The following CCDC88A variants were observed in gnomAD, a reference collection of about 807,000 sequenced individuals.
CCDC88A encodes the protein coiled-coil and HOOK domain protein 88A.
A neutral mutation model predicts 234.3 loss-of-function variants in CCDC88A; 54 were observed. The ratio of observed to expected loss-of-function variants is 0.23; its 90% CI spans 0.19 to 0.29. The LOEUF (loss-of-function observed/expected upper bound fraction) is 0.29. CCDC88A is among the 10% of genes least tolerant of loss of function. The pLI is 1.00. For synonymous variants in CCDC88A, 753 were observed against 737.8 expected (o/e 1.02, Z -0.33); for missense variants, 1,832 against 2,123.4 (o/e 0.86, Z 2.70).
At position 55,334,844 on chromosome 2, in the gene CCDC88A, C is replaced by T. The variant is rs374338743; in HGVS notation, c.1977G>A (p.Glu659=). Residue 659 remains glutamate, a synonymous_variant, in exon 15 of 33, where the codon GAG becomes GAA. Transcript: ENST00000436346. This position sits in a 1 kb window ranked among gnomAD's most constrained non-coding sequence, Gnocchi z 6.1. ...TNLKITCEKI[E]ALEQENSELE... ...GCTCTGAATTTTCTTGTTCTAAGGC[C>T]TCAATTTTTTCACAAGTAATTTTTA... The T allele has an allele frequency of 5.8e-6, 9 of 1,544,846 alleles. No homozygotes were observed. Among genetic ancestry groups the T allele is most frequent in the Non-Finnish European group, 7.9e-6 (9 of 1,137,248 alleles).
intron 8 of CCDC88A, chr2:55,350,609 ATATTATAAAATATAATGTG>A (rs1669755034): frequency 6.7e-6 from 1 of 148,494 alleles, no homozygotes; most frequent in South Asian, 2.1e-4. Context: ...ATATTAATAT[ATATTATAAAATATAATGTG>A]TATATTATTT....
In CCDC88A at chr2:55,337,996, GA is replaced by G. The variant is rs557630744; in HGVS notation, c.1519-1179del. ...ATCAGGTTCTCACATTACATAGATG[GA>G]AATATAAGAATAACAATTATTGAAA... is the stretch of plus-strand genomic sequence containing the variant. On this transcript the variant is annotated intron_variant, in intron 13 of 32. Coordinates refer to ENST00000436346, the MANE Select transcript of CCDC88A (RefSeq NM_001365480.1). 9.2e-5 allele frequency among the ~76,000 whole-genome samples: 14 copies of G among 152,188 alleles called. No individual in the cohort carries two copies. In the East Asian group the frequency reaches 1.5e-3, roughly 17 times the overall value.
In CCDC88A at chr2:55,343,793, CT is replaced by C; in HGVS notation, c.1189-2del. The C allele has an allele frequency of 6.2e-7, 1 of 1,600,038 alleles. No individual in the cohort carries two copies. On this transcript the variant is annotated splice_acceptor_variant, in intron 11 of 32. Coordinates refer to ENST00000436346, the MANE Select transcript of CCDC88A (RefSeq NM_001365480.1). LOFTEE classifies it high-confidence loss of function. ...TCTTTTTTCTATCCATATCTCGTTCCTTTTTTATTGGCAAGGATTAGGGAGA... is the reference window on the plus strand; with the variant it reads ...TCTTTTTTCTATCCATATCTCGTTCCTTTTTATTGGCAAGGATTAGGGAGA...
At chr2:55,367,628 C>T (rs531647863) in intron 5 of CCDC88A, among the ~76,000 whole-genome samples, 1 of 149,238 alleles carries the variant, frequency 6.7e-6, no homozygotes, top group Admixed American at 6.8e-5. Flanking sequence ...AACTCCTGGC[C>T]TCAAGTGATC....
At chr2:55,308,659 C>T in intron 25 of CCDC88A, 150 bp downstream of exon 25, 1 of 622,898 alleles carries the variant, frequency 1.6e-6, no homozygotes, top group East Asian at 2.8e-5. Context: ...TGTGGCTGTA[C>T]ACTAATGCAG....
chr2:55,318,296 G>A lies in CCDC88A; in HGVS notation c.3325-455C>T, dbSNP rs146780606. Among the ~76,000 whole-genome samples the A allele has an allele frequency of 7.0e-3, 1,068 of 152,234 alleles. 12 individuals carry two copies. Among genetic ancestry groups the A allele is most frequent in the African/African-American group, 0.024 (998 of 41,540 alleles). On this transcript the variant is annotated intron_variant, in intron 19 of 32. Coordinates refer to ENST00000436346, the MANE Select transcript of CCDC88A (RefSeq NM_001365480.1). ...AAAGTGTTGATGTTAATCAAAATCA[G>A]TGTCAAAGAAAAGGGTTACAGAAAG...
intron 32 of CCDC88A, 116 bp downstream of exon 32, chr2:55,291,560 G>C: frequency 2.2e-6 from 1 of 453,778 alleles, no homozygotes; most frequent in South Asian, 5.3e-5. Context: ...GAAAGTCAAT[G>C]AATTAAGCAA....
At chr2:55,344,580 T>A (rs1668868005) in intron 10 of CCDC88A, 66 bp from the exon 11 acceptor site, 3 of 939,128 alleles carry the variant, frequency 3.2e-6, no homozygotes, top group Non-Finnish European at 4.5e-6. Context: ...ACATACAGAT[T>A]ATCATAAAAC....
chr2:55,317,257 T>C lies in CCDC88A; in HGVS notation c.3695A>G (p.Asn1232Ser). Residue 1232 changes from asparagine to serine, a missense_variant, in exon 21 of 33, where the codon AAT becomes AGT. Physicochemically the swap from Asn to Ser is conservative, Grantham distance 46 (BLOSUM62 1). Around this residue, in one of 6 missense-constraint regions of CCDC88A, gnomAD observed 1,282 missense variants for 1,543.6 expected, o/e 0.83. Coordinates refer to ENST00000436346, the MANE Select transcript of CCDC88A (RefSeq NM_001365480.1). The surrounding 1 kb of genome is among the most constrained non-coding windows in gnomAD (Gnocchi z 4.2). The stretch of plus-strand genomic sequence containing the variant: ...GTATTCTGCAGCTACTGTTTCATGA[T>C]TTTTATTTTCAAGCAGCATTTTTTC... ...EQEKMLLENK[N>S]HETVAAEYKK... 2 of 1,555,434 alleles carry C rather than the reference T, an allele frequency of 1.3e-6. No homozygotes were observed. The highest frequency in any genetic ancestry group is 1.3e-5 in the South Asian group (1 of 77,806).
At chr2:55,410,502 G>A (rs4672037) in intron 2 of CCDC88A, among the ~76,000 whole-genome samples, 131,559 of 152,278 alleles carry the variant, frequency 0.86, 57,215 homozygotes, top group Admixed American at 0.93. Context: ...GTGGTAAATG[G>A]ATGCTTATCC....
rs192383018 is a variant in CCDC88A, at chr2:55,353,073, C to T, written c.800+2506G>A. The stretch of plus-strand genomic sequence containing the variant: ...AGCTAGTTACCGGGAATACTAGTTA[C>T]AATACTGGCACATTTATTTACCCAT... On this transcript the variant is annotated intron_variant, in intron 8 of 32. Transcript: ENST00000436346. Among the ~76,000 whole-genome samples, 85 of 152,282 alleles carry T rather than the reference C, an allele frequency of 5.6e-4. 1 individual carries two copies. Among genetic ancestry groups the T allele is most frequent in the Non-Finnish European group, 6.9e-4 (47 of 68,014 alleles).
intron 12 of CCDC88A, among the ~76,000 whole-genome samples, chr2:55,341,448 CCT>C (rs1491547121): frequency 1.5e-5 from 2 of 130,090 alleles, no homozygotes; most frequent in African/African-American, 5.8e-5. Flanking sequence ...CTCCCCGCCC[CCT>C]TTTTTTTTTT....
intron 2 of CCDC88A, among the ~76,000 whole-genome samples, chr2:55,396,706 TA>T (rs1227537032): frequency 1.3e-5 from 2 of 151,674 alleles, no homozygotes; most frequent in African/African-American, 2.4e-5. Flanking sequence ...TCATCTCTAC[TA>T]AAAATACAAA....
chr2:55,295,040 A>G lies in CCDC88A; in HGVS notation c.5551+557T>C, dbSNP rs115631673. 1.4e-3 allele frequency: 1,753 copies of G among 1,239,376 alleles called. 20 individuals are homozygous for G. The African/African-American group carries it at 0.025, about 18-fold the overall frequency. 76.8% of individuals were successfully genotyped at this position (1,239,376 alleles called of 1,614,324 possible). ...AAGCAGTGTATATCAAATAACATCA[A>G]TATATTATATTGTGCAGTTTTGATC... On this transcript the variant is annotated intron_variant, in intron 31 of 32. Coordinates refer to ENST00000436346, the MANE Select transcript of CCDC88A (RefSeq NM_001365480.1).
intron 3 of CCDC88A, among the ~76,000 whole-genome samples, chr2:55,378,706 G>C (rs896250228): frequency 6.6e-6 from 1 of 151,618 alleles, no homozygotes; most frequent in Non-Finnish European, 1.5e-5. Flanking sequence ...GTTACCCTAT[G>C]GGTTCTTCAG....
chr2:55,349,319 G>A (rs1296645036), intron 9 of CCDC88A, 199 bp downstream of exon 9: 13 of 536,860 alleles, frequency 2.4e-5, no homozygotes, highest in Middle Eastern at 4.4e-4. Context: ...AGCAGAGTTT[G>A]AACAGCATTA....
intron 23 of CCDC88A, among the ~76,000 whole-genome samples, chr2:55,312,060 A>C (rs1682414920): frequency 6.6e-6 from 1 of 152,142 alleles, no homozygotes; most frequent in Non-Finnish European, 1.5e-5. Flanking sequence ...CCTCAAGCAA[A>C]TTCCTATCGA....
chr2:55,328,444 G>T lies in CCDC88A; in HGVS notation c.2856-9C>A. On this transcript the variant is annotated splice_polypyrimidine_tract_variant and intron_variant, in intron 16 of 32. Transcript: ENST00000436346. This position sits in a 1 kb window ranked among gnomAD's most constrained non-coding sequence, Gnocchi z 4.3. ...CCAAAAGTTTATACCTACTATCCAA[G>T]TACAAAGTAATGTAGTTCATTATTG... The T allele has an allele frequency of 6.6e-7, 1 of 1,524,634 alleles. No homozygotes were observed. Among genetic ancestry groups the T allele is most frequent in the Non-Finnish European group, 8.9e-7 (1 of 1,129,214 alleles). 94.4% of individuals were successfully genotyped at this position (1,524,634 alleles called of 1,614,324 possible).
rs534697506 is a variant in CCDC88A at position 55,333,707 on chromosome 2, A to C, written c.2727+387T>G. On this transcript the variant is annotated intron_variant, in intron 15 of 32. Transcript: ENST00000436346. ...GTGTGTGTGTATATATTATTTATGT[A>C]TATACAACTTATATGAAGTTTTTAG... Among the ~76,000 whole-genome samples the C allele has an allele frequency of 4.5e-4, 68 of 152,190 alleles. 1 individual carries two copies. The highest frequency in any genetic ancestry group is 1.6e-3 in the African/African-American group (67 of 41,550).
Sources: gnomAD v4.1 joint callset for allele counts (sites outside exome capture counted in the v4.1 genomes callset) on GRCh38, gnomAD v4.1.1 for gene constraint, gnomAD v4.1.1 regional missense constraint, Gnocchi (gnomAD v3.1) non-coding constraint, MANE v1.5 for transcripts, NCBI Gene and HGNC (gene_info 2026-07-23, HGNC 2026-07-21) for gene names.